NCOR1: variants seen among roughly 807,000 people sequenced by gnomAD.
The protein encoded by NCOR1 is protein phosphatase 1, regulatory subunit 109.
Under a neutral mutation model 288.1 loss-of-function variants are expected in NCOR1, and 63 were observed. The observed-to-expected ratio is 0.22, with a 90% confidence interval of 0.18 to 0.27. The LOEUF (loss-of-function observed/expected upper bound fraction) is 0.27. Ranked by LOEUF, NCOR1 falls within the 10% of genes least tolerant of loss-of-function variation. The pLI, the probability that NCOR1 is intolerant of heterozygous loss-of-function variation, is 1.00. For synonymous variants in NCOR1, 1,007 were observed against 1,065.9 expected, an observed-to-expected ratio of 0.94 and a Z score of 1.08; for missense variants, 2,397 against 3,019.2, an observed-to-expected ratio of 0.79 and a Z score of 4.83.
rs1366546145 is a variant in NCOR1 at position 16,044,906 on chromosome 17, CAAA to C, written c.6679+2042_6679+2044del. ...CAGCTGAGAAGAAAGTGGAAGCAAA[CAAA>C]GAAGAATCTGAGGAGTCTGATGATG... On this transcript the variant is annotated intron_variant, in intron 42 of 45. Transcript: ENST00000268712. 3.8e-5 allele frequency: 26 copies of C among 680,642 alleles called. 1 individual carries two copies. The highest frequency in any genetic ancestry group is 2.7e-4 in the East Asian group (10 of 36,386). 42.2% of individuals were successfully genotyped at this position (680,642 alleles called of 1,614,324 possible).
At chr17:16,099,437 G>A (rs1255822273) in intron 20 of NCOR1, among the ~76,000 whole-genome samples, 1 of 152,152 alleles carries the variant, frequency 6.6e-6, no homozygotes, top group Non-Finnish European at 1.5e-5. Context: ...TTATATTAAA[G>A]CTATAGGAAA....
intron 18 of NCOR1, among the ~76,000 whole-genome samples, chr17:16,114,260 T>C (rs1311643964): frequency 1.3e-5 from 2 of 151,442 alleles, no homozygotes; most frequent in East Asian, 2.0e-4. Flanking sequence ...ACCTGCCCCA[T>C]GATTCAATTA....
chr17:16,095,574 A>C (rs111702140), intron 21 of NCOR1, among the ~76,000 whole-genome samples: 102,938 of 103,592 alleles, frequency 0.99, 51,144 homozygotes, highest in Middle Eastern at 1. Context: ...GCCGCCCCGT[A>C]CAGGAGGTGA....
chr17:16,139,850 C>T (rs971461160), intron 11 of NCOR1, among the ~76,000 whole-genome samples: 6 of 152,050 alleles, frequency 3.9e-5, no homozygotes, highest in African/African-American at 1.4e-4. Context: ...AAGCTTTTAC[C>T]CAAATTACAA....
At chr17:16,168,492 C>T (rs77253273) in intron 4 of NCOR1, among the ~76,000 whole-genome samples, 11 of 151,996 alleles carry the variant, frequency 7.2e-5, no homozygotes, top group Admixed American at 2.6e-4. Flanking sequence ...TGAGCCACCG[C>T]GCCCAGCCAA....
chr17:16,147,726 T>C (rs1006283923), intron 9 of NCOR1, among the ~76,000 whole-genome samples: 2 of 152,334 alleles, frequency 1.3e-5, no homozygotes, highest in Admixed American at 6.5e-5. Context: ...TCTTTTCTCC[T>C]TTCTACTGCT....
intron 4 of NCOR1, among the ~76,000 whole-genome samples, chr17:16,168,963 C>CAA (rs764946023): frequency 2.6e-4 from 21 of 81,716 alleles, no homozygotes; most frequent in South Asian, 1.8e-3. Flanking sequence ...GACTCCGTCT[C>CAA]AAAAAAAAAA....
In NCOR1 at chr17:16,092,241, T is replaced by A. The variant is rs151087516; in HGVS notation, c.2821-183A>T. On this transcript the variant is annotated intron_variant, in intron 21 of 45. Transcript: ENST00000268712. Reference sequence around the variant, plus strand: ...GCAGTGGCTCATGCCTGTAATCCCATCACTTTGGGAGGCCGAGGCAGGCAG... The same window carrying A: ...GCAGTGGCTCATGCCTGTAATCCCAACACTTTGGGAGGCCGAGGCAGGCAG... Among the ~76,000 whole-genome samples, 1,486 of 152,142 alleles carry A rather than the reference T, an allele frequency of 9.8e-3. 23 individuals carry two copies. Among genetic ancestry groups the A allele is most frequent in the African/African-American group, 0.034 (1,401 of 41,506 alleles).
In NCOR1 at chr17:16,040,585, CTTT is replaced by C. The variant is rs920829626; in HGVS notation, c.6680-94_6680-92del. ...AAAAAATTCCTATAATAAAATTAATCTTTTTATTTTTCATGATCTCAACCTTTA... is the reference window on the plus strand; with the variant it reads ...AAAAAATTCCTATAATAAAATTAATCTTATTTTTCATGATCTCAACCTTTA... On this transcript the variant is annotated intron_variant, in intron 42 of 45. Coordinates refer to ENST00000268712, the MANE Select transcript of NCOR1 (RefSeq NM_006311.4). 576 of 1,079,776 alleles carry C rather than the reference CTTT, an allele frequency of 5.3e-4. 5 individuals are homozygous for C. In the Middle Eastern group the frequency reaches 0.01, roughly 19 times the overall value. The allele number at this position is 1,079,776 out of a possible 1,614,324, so 66.9% of individuals were successfully genotyped here.
At chr17:16,099,181 T>A (rs1367211915) in intron 20 of NCOR1, among the ~76,000 whole-genome samples, 3 of 152,184 alleles carry the variant, frequency 2.0e-5, no homozygotes, top group Non-Finnish European at 4.4e-5. Flanking sequence ...CACACTCCTC[T>A]GCTCACCATA....
At chr17:16,095,064 C>T (rs1215883538) in intron 21 of NCOR1, among the ~76,000 whole-genome samples, 1 of 150,572 alleles carries the variant, frequency 6.6e-6, no homozygotes, top group Non-Finnish European at 1.5e-5. Context: ...CCTGGCTGCC[C>T]AGTCTGGAAA....
chr17:16,044,999 G>C, intron 42 of NCOR1: 3 of 294,170 alleles, frequency 1.0e-5, no homozygotes, highest in Non-Finnish European at 1.3e-5. Context: ...CTGAACTTAA[G>C]AAAAAAAAAA....
intron 40 of NCOR1, among the ~76,000 whole-genome samples, chr17:16,055,472 G>A (rs948148030): frequency 6.6e-6 from 1 of 152,176 alleles, no homozygotes; most frequent in Non-Finnish European, 1.5e-5. Context: ...GGAGCTAAAT[G>A]GTGAGAACAC....
chr17:16,143,016 C>T (rs929155012), intron 11 of NCOR1, among the ~76,000 whole-genome samples: 6 of 152,172 alleles, frequency 3.9e-5, no homozygotes, highest in African/African-American at 1.4e-4. Context: ...TTCTCATTCA[C>T]CTGCCCCTTT....
At position 16,070,513 on chromosome 17, in the gene NCOR1, T is replaced by G; in HGVS notation, c.4165A>C (p.Lys1389Gln). 3 of 1,613,880 alleles carry G rather than the reference T, an allele frequency of 1.9e-6. No homozygotes were observed. The highest frequency in any genetic ancestry group is 2.5e-6 in the Non-Finnish European group (3 of 1,179,806). ...EGSISQGTPIKFDNNSGQSAI... is the reference protein window; with the variant it reads ...EGSISQGTPIQFDNNSGQSAI... ...GATTGACCTGAGTTGTTGTCAAACT[T>G]TATTGGTGTGCCCTAAAGGGAAAGA... Residue 1389 changes from lysine (K) to glutamine (Q), a missense_variant, in exon 31 of 46, where the codon AAG (lysine) becomes CAG (glutamine). By Grantham distance (53) the Lys-to-Gln change is moderately conservative. Transcript: ENST00000268712.
At chr17:16,141,698 T>C (rs1186509283) in intron 11 of NCOR1, among the ~76,000 whole-genome samples, 1 of 152,212 alleles carries the variant, frequency 6.6e-6, no homozygotes, top group African/African-American at 2.4e-5. Flanking sequence ...ACAAGTAATT[T>C]TTCATGAGAT....
chr17:16,038,283 T>G (rs2056836516), intron 44 of NCOR1, among the ~76,000 whole-genome samples: 1 of 152,220 alleles, frequency 6.6e-6, no homozygotes, highest in Non-Finnish European at 1.5e-5. Context: ...TTTTGTGTGC[T>G]TGTTTTTAAC....
intron 40 of NCOR1, among the ~76,000 whole-genome samples, chr17:16,052,574 G>C (rs1255114093): frequency 6.6e-6 from 1 of 152,094 alleles, no homozygotes; most frequent in East Asian, 1.9e-4. Context: ...TCCCTGAACA[G>C]ACCAATAACA....
rs534405179 is a variant in NCOR1, at chr17:16,144,489, T to C, written c.1083-793A>G. 3.3e-5 allele frequency among the ~76,000 whole-genome samples: 5 copies of C among 152,320 alleles called. No individual in the cohort carries two copies. In the South Asian group the frequency reaches 6.2e-4, roughly 19 times the overall value. On this transcript the variant is annotated intron_variant, in intron 10 of 45. Coordinates refer to ENST00000268712, the MANE Select transcript of NCOR1 (RefSeq NM_006311.4). Reference sequence around the variant, plus strand: ...AGTGGGTACATGTGCAAGTTTGTTATATAGGTAAACCTGTGTCATGGGGAT... The same window carrying C: ...AGTGGGTACATGTGCAAGTTTGTTACATAGGTAAACCTGTGTCATGGGGAT...
Sources: gnomAD v4.1 joint callset for allele counts (sites outside exome capture counted in the v4.1 genomes callset) on GRCh38, gnomAD v4.1.1 for gene constraint, MANE v1.5 for transcripts, NCBI Gene and HGNC (gene_info 2026-07-23, HGNC 2026-07-21) for gene names.